The following TCEA1 variants were observed in gnomAD, a reference collection of about 807,000 sequenced individuals.
TCEA1 encodes transcription elongation factor A protein 1.
In TCEA1, 21 loss-of-function variants were observed where a neutral mutation model predicts 43.8. That is an observed-to-expected ratio of 0.48 (90% CI 0.34 to 0.69). TCEA1 has a LOEUF of 0.69. TCEA1 is among the 30% of genes least tolerant of loss of function. The pLI, the probability that TCEA1 is intolerant of heterozygous loss-of-function variation, is 0.01. For synonymous variants in TCEA1, 104 were observed against 117.5 expected (o/e 0.88, Z 0.75); for missense variants, 250 against 365.1 (o/e 0.68, Z 2.57).
At chr8:53,975,025 T>C (rs1374024944) in intron 8 of TCEA1, among the ~76,000 whole-genome samples, 1 of 152,080 alleles carries the variant, frequency 6.6e-6, no homozygotes, top group East Asian at 1.9e-4. Context: ...AAGAACTTTT[T>C]GTTGTTTATC....
intron 6 of TCEA1, 130 bp downstream of exon 6, chr8:53,986,837 CTG>C: frequency 1.5e-6 from 1 of 656,006 alleles, no homozygotes; most frequent in East Asian, 2.8e-5. Context: ...TGTTTTCTCT[CTG>C]TAAAATGGGA....
At chr8:54,018,951 A>G (rs537174089) in intron 1 of TCEA1, among the ~76,000 whole-genome samples, 52 of 152,332 alleles carry the variant, frequency 3.4e-4, no homozygotes, top group African/African-American at 1.2e-3. Context: ...TTAGATTCAC[A>G]TCTTCACTTG....
At chr8:54,010,070 T>C (rs1005375807) in intron 2 of TCEA1, 1 of 210,452 alleles carries the variant, frequency 4.8e-6, no homozygotes, top group Non-Finnish European at 9.3e-6. Flanking sequence ...GAGCGACACC[T>C]TGCCATCCTC....
At chr8:53,976,996 CAT>C (rs1383563541) in intron 8 of TCEA1, among the ~76,000 whole-genome samples, 4 of 152,180 alleles carry the variant, frequency 2.6e-5, no homozygotes, top group African/African-American at 9.7e-5. Flanking sequence ...GGCAGAAGCT[CAT>C]ATAACATTTT....
chr8:53,973,443 G>T, intron 8 of TCEA1: 1 of 500,608 alleles, frequency 2.0e-6, no homozygotes, highest in Non-Finnish European at 3.8e-6. Flanking sequence ...CTCTGATGTT[G>T]ATATGAATGA....
intron 1 of TCEA1, among the ~76,000 whole-genome samples, chr8:54,018,622 T>C (rs1364925302): frequency 6.6e-6 from 1 of 152,164 alleles, no homozygotes; most frequent in Non-Finnish European, 1.5e-5. Flanking sequence ...CGAATCAAAG[T>C]GACAAGAAAA....
chr8:53,980,253 T>C (rs1803461882), intron 7 of TCEA1, among the ~76,000 whole-genome samples: 1 of 152,230 alleles, frequency 6.6e-6, no homozygotes, highest in African/African-American at 2.4e-5. Context: ...GATTCCAGTT[T>C]TGAGGCAAGA....
intron 1 of TCEA1, 94 bp from the exon 2 acceptor site, chr8:54,010,586 T>C: frequency 1.1e-6 from 1 of 944,336 alleles, no homozygotes; most frequent in Non-Finnish European, 1.6e-6. Flanking sequence ...AGAAAACAGC[T>C]AAAGAGGAAT....
At chr8:54,020,175 T>C (rs575880391) in intron 1 of TCEA1, among the ~76,000 whole-genome samples, 26 of 152,298 alleles carry the variant, frequency 1.7e-4, no homozygotes, top group African/African-American at 5.5e-4. Flanking sequence ...ACAGCCTAAG[T>C]TGGAGAGAAC....
At chr8:54,012,250 G>A (rs1563515237) in intron 1 of TCEA1, among the ~76,000 whole-genome samples, 1 of 152,166 alleles carries the variant, frequency 6.6e-6, no homozygotes, top group African/African-American at 2.4e-5. Context: ...CACGTAATGT[G>A]ACTATTACAA....
chr8:53,972,573 T>C, intron 8 of TCEA1: 1 of 554,580 alleles, frequency 1.8e-6, no homozygotes, highest in South Asian at 1.4e-5. Context: ...GTTCAACTGA[T>C]TTAAACCTAA....
At chr8:54,010,951 G>C (rs1804633323) in intron 1 of TCEA1, among the ~76,000 whole-genome samples, 1 of 152,046 alleles carries the variant, frequency 6.6e-6, no homozygotes, top group African/African-American at 2.4e-5. Context: ...GAGTAGGTGA[G>C]ATTACAGGCA....
chr8:53,982,325 G>A (rs1013818237), intron 7 of TCEA1, among the ~76,000 whole-genome samples: 2 of 152,012 alleles, frequency 1.3e-5, no homozygotes, highest in African/African-American at 2.4e-5. Flanking sequence ...AACCACAGAG[G>A]GGCCAGGCAC....
chr8:54,016,556 T>C (rs1472254967), intron 1 of TCEA1, among the ~76,000 whole-genome samples: 1 of 151,942 alleles, frequency 6.6e-6, no homozygotes, highest in Non-Finnish European at 1.5e-5. Flanking sequence ...AAGCAAATCG[T>C]GGTTGGGTGC....
chr8:53,999,835 T>C (rs1487691755), intron 3 of TCEA1, 110 bp downstream of exon 3: 5 of 779,858 alleles, frequency 6.4e-6, no homozygotes, highest in Non-Finnish European at 1.1e-5. Context: ...TCAGTATATC[T>C]AGATTCACTA....
intron 2 of TCEA1, 148 bp downstream of exon 2, chr8:54,010,281 AT>A: frequency 1.6e-6 from 1 of 626,496 alleles, no homozygotes; most frequent in Non-Finnish European, 2.8e-6. Context: ...TAGATTATTG[AT>A]TTATATTGCC....
At chr8:53,994,849 C>A (rs1326121564) in intron 3 of TCEA1, among the ~76,000 whole-genome samples, 1 of 145,200 alleles carries the variant, frequency 6.9e-6, no homozygotes, top group Non-Finnish European at 1.5e-5. Flanking sequence ...CCAGCCTGGG[C>A]AACAGAACAA....
rs754537318 is a variant in TCEA1, at chr8:53,996,903, C to CTTTTTTTTT, written c.232+3033_232+3041dup. Among the ~76,000 whole-genome samples the CTTTTTTTTT allele has an allele frequency of 2.7e-3, 309 of 116,544 alleles. 8 individuals carry two copies. The highest frequency in any genetic ancestry group is 7.6e-3 in the South Asian group (25 of 3,300). 76.5% of individuals were successfully genotyped at this position (116,544 alleles called of 152,430 possible). A position where few individuals can be genotyped will look rare whatever the true frequency, so the allele number is the denominator to read the frequency against. ...AGCTAAGGGGTAAAAAGAAGGTTGT[C>CTTTTTTTTT]TTTTTTTTTTTTTTTAGACAGACTC... On this transcript the variant is annotated intron_variant, in intron 3 of 9. Transcript: ENST00000521604.
intron 2 of TCEA1, among the ~76,000 whole-genome samples, chr8:54,006,361 C>A (rs964819628): frequency 1.1e-4 from 16 of 152,152 alleles, no homozygotes; most frequent in Non-Finnish European, 2.1e-4. Flanking sequence ...CGCCTGTAAT[C>A]CCAGCTACTC....
Sources: allele counts gnomAD v4.1 joint callset (sites outside exome capture counted in the v4.1 genomes callset), GRCh38; gene constraint gnomAD v4.1.1; transcripts MANE v1.5; gene names NCBI Gene and HGNC (gene_info 2026-07-23, HGNC 2026-07-21).